FRK: variants seen among roughly 807,000 people sequenced by gnomAD.
The protein encoded by FRK is tyrosine-protein kinase FRK.
A neutral mutation model predicts 56.4 loss-of-function variants in FRK; 51 were observed. That is an observed-to-expected ratio of 0.90 (90% CI 0.72 to 1.14). The LOEUF (loss-of-function observed/expected upper bound fraction) is 1.14. FRK is among the 50% of genes most tolerant of loss of function. The pLI is 0.00. For synonymous variants in FRK, 245 were observed against 217.9 expected (o/e 1.12, Z -1.10); for missense variants, 570 against 601.4 (o/e 0.95, Z 0.55).
At chr6:115,966,082 T>TTAAG (rs1554226806) in intron 4 of FRK, among the ~76,000 whole-genome samples, 2 of 16,846 alleles carry the variant, frequency 1.2e-4, no homozygotes, top group Non-Finnish European at 3.3e-4. Flanking sequence ...AAGAAATACT[T>TTAAG]AAAAAAAAAA....
the FRK span, among the ~76,000 whole-genome samples, chr6:116,077,462 G>A: frequency 6.6e-6 from 1 of 152,114 alleles, no homozygotes; most frequent in African/African-American, 2.4e-5. Context: ...AAATCCTATA[G>A]CTCCCCACCC....
chr6:115,959,418 G>C (rs1312581788), intron 4 of FRK, among the ~76,000 whole-genome samples: 1 of 152,126 alleles, frequency 6.6e-6, no homozygotes, highest in Non-Finnish European at 1.5e-5. Context: ...CCTCTTCTTA[G>C]AAAAGAATTA....
At chr6:116,093,465 T>C in the FRK span, among the ~76,000 whole-genome samples, 1 of 152,226 alleles carries the variant, frequency 6.6e-6, no homozygotes, top group Admixed American at 6.5e-5. Context: ...TGTCATGCTA[T>C]TGTTAGATCA....
At chr6:116,003,054 T>C (rs1459772469) in intron 2 of FRK, among the ~76,000 whole-genome samples, 1 of 152,190 alleles carries the variant, frequency 6.6e-6, no homozygotes, top group Non-Finnish European at 1.5e-5. Flanking sequence ...TCAGCATTTA[T>C]TGCAGGGAAA....
intron 2 of FRK, chr6:116,002,595 A>G (rs1370068956): frequency 2.4e-6 from 1 of 412,036 alleles, no homozygotes; most frequent in African/African-American, 2.0e-5. Flanking sequence ...ATAGAGCGAC[A>G]CTCCGTCTCA....
chr6:115,962,215 T>C (rs1582654513), intron 4 of FRK, among the ~76,000 whole-genome samples: 1 of 125,642 alleles, frequency 8.0e-6, no homozygotes, highest in Non-Finnish European at 1.7e-5. Flanking sequence ...ACCAAGCCAA[T>C]GGAAAACAAA....
Position 115,935,096 on chromosome 6 carries a change from G to A in FRK, c.*7318C>T, listed in dbSNP as rs1344799889. The A allele has an allele frequency of 6.6e-6, 1 of 152,552 alleles. No homozygotes were observed. The highest frequency in any genetic ancestry group is 1.5e-5 in the Non-Finnish European group (1 of 68,304). The allele number at this position is 152,552 out of a possible 1,614,324, so 9.4% of individuals were successfully genotyped here. On this transcript the variant is annotated 3_prime_UTR_variant, in exon 8 of 8. Coordinates refer to ENST00000606080, the MANE Select transcript of FRK (RefSeq NM_002031.3). ...GAACAGCTCTGGTCTGCAGCTCCCA[G>A]TGAGATCAACGCAGAAGGCGGGTGA...
intron 1 of FRK, among the ~76,000 whole-genome samples, chr6:116,059,187 G>C (rs1328617252): frequency 6.6e-6 from 1 of 152,134 alleles, no homozygotes; most frequent in East Asian, 1.9e-4. Context: ...TGGATGGATG[G>C]ATGGATGGGT....
chr6:115,947,188 T>A (rs1355264021), intron 5 of FRK, among the ~76,000 whole-genome samples: 2 of 152,162 alleles, frequency 1.3e-5, no homozygotes, highest in Non-Finnish European at 2.9e-5. Context: ...GAATGGTTGC[T>A]TATTTGTTTG....
chr6:115,952,937 G>T (rs1772826720), intron 5 of FRK, among the ~76,000 whole-genome samples: 1 of 104,960 alleles, frequency 9.5e-6, no homozygotes, highest in African/African-American at 3.6e-5. Context: ...TGGGGGGAGG[G>T]GGGAGGGATA....
At chr6:116,039,385 A>T in intron 1 of FRK, 3 of 1,548,410 alleles carry the variant, frequency 1.9e-6, no homozygotes, top group Non-Finnish European at 2.7e-6. Context: ...AGGCTCTGTG[A>T]TGGGGGCAAC....
chr6:115,967,596 G>C lies in FRK; in HGVS notation c.754C>G (p.Leu252Val). The change falls in exon 4 of 8, where the codon CTG (leucine) becomes GTG (valine). Residue 252 changes from leucine to valine, a missense_variant. Physicochemically the swap from Leu to Val is conservative, Grantham distance 32. Transcript: ENST00000606080. ...GCTACTGGAGTGGTATTGTTCCACA[G>C]ACCTTCCCATACTTCGCCAAACTGA... is the stretch of plus-strand genomic sequence containing the variant. The part of the protein sequence containing the change: ...SGQFGEVWEG[L>V]WNNTTPVAVK... 1 of 1,613,782 alleles carries C rather than the reference G, an allele frequency of 6.2e-7. No individual in the cohort carries two copies. The highest frequency in any genetic ancestry group is 1.3e-5 in the African/African-American group (1 of 74,974).
upstream of FRK, among the ~76,000 whole-genome samples, chr6:116,065,626 A>T (rs1464823924): frequency 6.6e-6 from 1 of 152,168 alleles, no homozygotes; most frequent in African/African-American, 2.4e-5. Flanking sequence ...CTCTGTCTTT[A>T]TTAATTCTTT....
At position 115,942,102 on chromosome 6, in the gene FRK, T is replaced by C. The variant is rs1237790991; in HGVS notation, c.*312A>G. 1 of 265,568 alleles carries C rather than the reference T, an allele frequency of 3.8e-6. No homozygotes were observed. The highest frequency in any genetic ancestry group is 2.3e-5 in the African/African-American group (1 of 43,934). 16.5% of individuals were successfully genotyped at this position (265,568 alleles called of 1,614,324 possible). On this transcript the variant is annotated 3_prime_UTR_variant, in exon 8 of 8. Coordinates refer to ENST00000606080, the MANE Select transcript of FRK (RefSeq NM_002031.3). ...TGAGTAAAAATTGGACTATCATCTG[T>C]TGATTCTCTTGATCGACATTTCAAA...
At chr6:115,980,958 CTTTT>C (rs771088157) in intron 2 of FRK, among the ~76,000 whole-genome samples, 4 of 151,950 alleles carry the variant, frequency 2.6e-5, no homozygotes, top group Non-Finnish European at 4.4e-5. Context: ...TTGATTTTGT[CTTTT>C]TTATGTTTAG....
chr6:116,077,605 C>T, the FRK span, among the ~76,000 whole-genome samples: 1 of 152,346 alleles, frequency 6.6e-6, no homozygotes, highest in South Asian at 2.1e-4. Context: ...CTTTCTTGAT[C>T]ACATATTCAT....
At chr6:115,954,591 C>T (rs1035737548) in intron 5 of FRK, among the ~76,000 whole-genome samples, 2 of 152,162 alleles carry the variant, frequency 1.3e-5, no homozygotes, top group Admixed American at 1.3e-4. Context: ...GAAGGAAAGA[C>T]TGCAAGAGTA....
chr6:116,096,976 G>A, the FRK span, among the ~76,000 whole-genome samples: 6 of 152,070 alleles, frequency 3.9e-5, no homozygotes, highest in Non-Finnish European at 7.4e-5. Flanking sequence ...GTCCCATTAC[G>A]TCCTCCCTCT....
chr6:116,000,656 G>T (rs2114686980), intron 2 of FRK, among the ~76,000 whole-genome samples: 1 of 152,120 alleles, frequency 6.6e-6, no homozygotes, highest in South Asian at 2.1e-4. Context: ...AACAATCAGG[G>T]ATGTATTTAA....
Sources: allele counts gnomAD v4.1 joint callset (sites outside exome capture counted in the v4.1 genomes callset), GRCh38; gene constraint gnomAD v4.1.1; transcripts MANE v1.5; gene names NCBI Gene and HGNC (gene_info 2026-07-23, HGNC 2026-07-21).